Variants in YAF2 observed in about 807,000 individuals in gnomAD.
YAF2 encodes YY1-associated factor 2.
In YAF2, 7 loss-of-function variants were observed where a neutral mutation model predicts 20.1. The observed-to-expected ratio is 0.35, with a 90% CI of 0.20 to 0.65. The LOEUF is 0.65. YAF2 is among the 30% of genes least tolerant of loss of function. The probability of loss-of-function intolerance (pLI) is 0.69; values close to 1 mark genes in which losing one functional copy is unlikely to be tolerated. For missense variants in YAF2, 151 were observed against 219.2 expected (o/e 0.69, Z 1.96); for synonymous variants, 74 against 76.0 (o/e 0.97, Z 0.14).
In YAF2 at chr12:42,238,223, C is replaced by T. The variant is rs2137477511; in HGVS notation, c.-43G>A. Reference sequence around the variant, plus strand: ...ACGCCGAGAGTCGCCGCCGCGACCGCTCTGTTTGTCAATAAGGAGGATAAT... The same window carrying T: ...ACGCCGAGAGTCGCCGCCGCGACCGTTCTGTTTGTCAATAAGGAGGATAAT... On this transcript the variant is annotated 5_prime_UTR_variant, in exon 1 of 4. Transcript: ENST00000534854. 2.3e-6 allele frequency: 3 copies of T among 1,330,342 alleles called. No individual in the cohort carries two copies. The highest frequency in any genetic ancestry group is 1.3e-5 in the South Asian group (1 of 78,540). 82.4% of individuals were successfully genotyped at this position (1,330,342 alleles called of 1,614,324 possible).
In YAF2 at chr12:42,161,747, G is replaced by A. The variant is rs1305150660; in HGVS notation, c.171C>T (p.Ser57=). The change falls in exon 3 of 4, where the codon TCC becomes TCT. Residue 57 remains serine, a synonymous_variant. Coordinates refer to ENST00000534854, the MANE Select transcript of YAF2 (RefSeq NM_005748.6). ...GAGTAACCTGCTGTGCAACCAACTG[G>A]GAGACAGGTCGAGGTTTCCTGTGTG... ...GTSTRKPRPV[S]QLVAQQVTQQ... The A allele has an allele frequency of 1.9e-6, 3 of 1,603,582 alleles. No individual in the cohort carries two copies. The African/African-American group carries it at 4.0e-5, about 22-fold the overall frequency.
chr12:42,169,555 A>C (rs527688492), intron 2 of YAF2, among the ~76,000 whole-genome samples: 2 of 152,108 alleles, frequency 1.3e-5, no homozygotes, highest in African/African-American at 4.8e-5. Context: ...CTAGGACTAC[A>C]GGCATGCCCC....
intron 2 of YAF2, among the ~76,000 whole-genome samples, chr12:42,221,727 T>C (rs2067520737): frequency 6.6e-6 from 1 of 152,136 alleles, no homozygotes; most frequent in Admixed American, 6.6e-5. Flanking sequence ...CCCAGCAGAT[T>C]GCTAAATATT....
At chr12:42,208,826 A>T (rs2067124938) in intron 2 of YAF2, among the ~76,000 whole-genome samples, 1 of 152,224 alleles carries the variant, frequency 6.6e-6, no homozygotes, top group Non-Finnish European at 1.5e-5. Flanking sequence ...AGGTAAGAAC[A>T]AACAAAAGTT....
At chr12:42,219,146 G>A (rs1365164054) in intron 2 of YAF2, among the ~76,000 whole-genome samples, 1 of 152,216 alleles carries the variant, frequency 6.6e-6, no homozygotes, top group Non-Finnish European at 1.5e-5. Flanking sequence ...TGACCTGGAT[G>A]AAGTGAAGTG....
chr12:42,237,536 C>G, intron 2 of YAF2, 63 bp downstream of exon 2: 1 of 1,436,424 alleles, frequency 7.0e-7, no homozygotes. Context: ...GCGGCAGCCG[C>G]AAGGGCGTCC....
At chr12:42,195,894 G>A (rs1460579382) in intron 2 of YAF2, among the ~76,000 whole-genome samples, 1 of 152,118 alleles carries the variant, frequency 6.6e-6, no homozygotes, top group African/African-American at 2.4e-5. Flanking sequence ...GTGGGGAAGA[G>A]TGGAAGGCAG....
intron 2 of YAF2, chr12:42,232,360 A>G: frequency 1.1e-6 from 1 of 900,736 alleles, no homozygotes; most frequent in Non-Finnish European, 1.3e-6. Context: ...GAAAGCTTCA[A>G]CTAAAAAGAT....
chr12:42,228,158 GC>G (rs2067817278), intron 2 of YAF2, among the ~76,000 whole-genome samples: 1 of 63,148 alleles, frequency 1.6e-5, no homozygotes, highest in African/African-American at 7.8e-5. Context: ...GGGGGGGTCG[GC>G]CCCCCGCCCG....
intron 2 of YAF2, among the ~76,000 whole-genome samples, chr12:42,163,040 G>A (rs781677268): frequency 3.3e-5 from 5 of 152,124 alleles, no homozygotes; most frequent in Non-Finnish European, 7.4e-5. Context: ...TCACCAAGAA[G>A]GCTTGTTTAG....
At chr12:42,215,982 AC>A (rs1236338383) in intron 2 of YAF2, among the ~76,000 whole-genome samples, 1 of 151,610 alleles carries the variant, frequency 6.6e-6, no homozygotes, top group Non-Finnish European at 1.5e-5. Context: ...AAATAAAGCT[AC>A]TGTACATTTA....
At chr12:42,226,706 CA>C (rs1280106295) in intron 2 of YAF2, among the ~76,000 whole-genome samples, 2 of 152,156 alleles carry the variant, frequency 1.3e-5, no homozygotes, top group Admixed American at 1.3e-4. Flanking sequence ...TTTATACCTA[CA>C]ACTTAGAGAC....
rs1476632299 is a variant in YAF2, at chr12:42,158,187, T to A, written c.*2402A>T. 2 of 152,134 alleles carry A rather than the reference T, an allele frequency of 1.3e-5. No homozygotes were observed. Among genetic ancestry groups the A allele is most frequent in the Admixed American group, 6.6e-5 (1 of 15,258 alleles). 9.4% of individuals were successfully genotyped at this position (152,134 alleles called of 1,614,324 possible). On this transcript the variant is annotated 3_prime_UTR_variant, in exon 4 of 4. Transcript: ENST00000534854. ...AAAGGCAGGTTGAGATACCTGTGAT[T>A]AATAAAAGTAAAATAATTTCAAGTC...
intron 2 of YAF2, among the ~76,000 whole-genome samples, chr12:42,215,910 G>A (rs990496691): frequency 6.6e-6 from 1 of 151,542 alleles, no homozygotes; most frequent in African/African-American, 2.4e-5. Context: ...AGGCGACAGA[G>A]CGAGATTCCA....
rs997672297 is a variant in YAF2, at chr12:42,190,054, T to C, written c.153-28289A>G. The stretch of plus-strand genomic sequence containing the variant: ...ATTTACTTTTGTCGTTTTATTAAGA[T>C]TGTTTTTGCTGGATGTGGTGGCTTA... On this transcript the variant is annotated intron_variant, in intron 2 of 3. Coordinates refer to ENST00000534854, the MANE Select transcript of YAF2 (RefSeq NM_005748.6). 7.2e-5 allele frequency among the ~76,000 whole-genome samples: 11 copies of C among 152,210 alleles called. No individual in the cohort carries two copies. The East Asian group carries it at 7.7e-4, about 11-fold the overall frequency.
intron 2 of YAF2, chr12:42,233,825 A>G (rs1204380021): frequency 7.1e-6 from 7 of 985,360 alleles, no homozygotes; most frequent in Non-Finnish European, 8.4e-6. Context: ...AATGATCCTT[A>G]ATTTCCTAAA....
At chr12:42,170,905 C>A (rs556897812) in intron 2 of YAF2, among the ~76,000 whole-genome samples, 2 of 152,314 alleles carry the variant, frequency 1.3e-5, no homozygotes, top group East Asian at 1.9e-4. Flanking sequence ...AAACATATTT[C>A]TTTCCCCTAA....
intron 2 of YAF2, among the ~76,000 whole-genome samples, chr12:42,162,924 A>C (rs1048950680): frequency 9.2e-5 from 14 of 152,318 alleles, no homozygotes; most frequent in African/African-American, 3.1e-4. Flanking sequence ...GATGTAGATT[A>C]AGAGTTGCAC....
Position 42,238,164 on chromosome 12 carries a change from CTCT to C in YAF2, c.14_16del (p.Lys5del). On this transcript the variant is annotated inframe_deletion, in exon 1 of 4. Transcript: ENST00000534854. ...GCCCGGGCGCTGTTACCTGGTGGGG[CTCT>C]TCTTGTCTCCCATGGCTTGGCTATC... The C allele has an allele frequency of 6.5e-7, 1 of 1,544,828 alleles. No individual in the cohort carries two copies. Among genetic ancestry groups the C allele is most frequent in the Non-Finnish European group, 8.7e-7 (1 of 1,146,662 alleles).
Sources: allele counts gnomAD v4.1 joint callset (sites outside exome capture counted in the v4.1 genomes callset), GRCh38; gene constraint gnomAD v4.1.1; transcripts MANE v1.5; gene names NCBI Gene and HGNC (gene_info 2026-07-23, HGNC 2026-07-21).